Variants in NEBL observed in about 807,000 individuals in gnomAD.
The protein encoded by NEBL is nebulette.
In NEBL, 122 loss-of-function variants were observed where a neutral mutation model predicts 140.2. That is an observed-to-expected ratio of 0.87 (90% confidence interval 0.75 to 1.01). NEBL has a LOEUF of 1.01. Ranked by LOEUF, NEBL falls within the 50% of genes least tolerant of loss-of-function variation. The probability of loss-of-function intolerance (pLI) is 0.00; values close to 1 mark genes in which losing one functional copy is unlikely to be tolerated. For synonymous variants in NEBL, 436 were observed against 398.9 expected, an observed-to-expected ratio of 1.09 and a Z score of -1.11; for missense variants, 1,365 against 1,231.3, an observed-to-expected ratio of 1.11 and a Z score of -1.62.
At position 20,996,400 on chromosome 10, in the gene NEBL, G is replaced by A. The variant is rs77207008; in HGVS notation, c.249+23717C>T. 2.0e-5 allele frequency among the ~76,000 whole-genome samples: 3 copies of A among 152,170 alleles called. No individual in the cohort carries two copies. The East Asian group carries it at 5.8e-4, about 29-fold the overall frequency. ...TTATAGACAGCGAAGTGAAAATGCA[G>A]AGTATCCTGAAGACAGTGATTGTGG... On this transcript the variant is annotated intron_variant, in intron 3 of 6. Coordinates refer to the NEBL transcript ENST00000417816.
chr10:21,174,672 G>C (rs1031170903), upstream of NEBL: 4 of 152,216 alleles, frequency 2.6e-5, no homozygotes, highest in Non-Finnish European at 5.9e-5. Context: ...GGAGATCCGC[G>C]GGGAACCCGG....
chr10:20,938,182 C>G (rs1316432168), intron 4 of NEBL, among the ~76,000 whole-genome samples: 2 of 152,230 alleles, frequency 1.3e-5, no homozygotes, highest in Admixed American at 6.5e-5. Flanking sequence ...AGCTGGGAGG[C>G]ACCCCCCAGT....
intron 3 of NEBL, among the ~76,000 whole-genome samples, chr10:21,233,583 T>C (rs1842294487): frequency 6.8e-6 from 1 of 146,688 alleles, no homozygotes; most frequent in Admixed American, 6.9e-5. Context: ...TATATACACA[T>C]GTACATATTT....
At chr10:21,287,216 G>A (rs900331137) in intron 1 of NEBL, among the ~76,000 whole-genome samples, 10 of 152,174 alleles carry the variant, frequency 6.6e-5, no homozygotes, top group African/African-American at 2.2e-4. Context: ...CATAAAAGAA[G>A]TGGAAGCTAA....
chr10:21,179,705 G>C (rs1841357607), upstream of NEBL, among the ~76,000 whole-genome samples: 1 of 149,298 alleles, frequency 6.7e-6, no homozygotes, highest in Non-Finnish European at 1.5e-5. Context: ...GAAAATCAGA[G>C]TCAGGGAAAG....
chr10:21,222,270 G>C (rs1249281246), intron 3 of NEBL, among the ~76,000 whole-genome samples: 6 of 149,116 alleles, frequency 4.0e-5, no homozygotes. Flanking sequence ...AACACAGTGA[G>C]ACCCTGTCTC....
chr10:21,105,781 G>C (rs181880125), intron 2 of NEBL, among the ~76,000 whole-genome samples: 18 of 152,236 alleles, frequency 1.2e-4, no homozygotes, highest in Admixed American at 7.2e-4. Flanking sequence ...CACAATGGTT[G>C]AACTAATTTA....
chr10:21,227,834 CT>C (rs1564546104), intron 3 of NEBL, among the ~76,000 whole-genome samples: 1 of 147,986 alleles, frequency 6.8e-6, no homozygotes, highest in Non-Finnish European at 1.5e-5. Context: ...CTTCTTTCTT[CT>C]TCTTCTTTCT....
At chr10:20,789,141 T>C (rs958089853) in intron 26 of NEBL, among the ~76,000 whole-genome samples, 3 of 152,302 alleles carry the variant, frequency 2.0e-5, no homozygotes, top group East Asian at 1.9e-4. Flanking sequence ...CTACTCACGG[T>C]ATTTCCAATT....
intron 24 of NEBL, among the ~76,000 whole-genome samples, chr10:20,812,136 A>G (rs931566156): frequency 1.3e-5 from 2 of 152,166 alleles, no homozygotes; most frequent in Non-Finnish European, 2.9e-5. Flanking sequence ...TGTTTTTGAT[A>G]AAAGGACCTA....
At chr10:20,942,334 G>A (rs1450379676) in intron 4 of NEBL, among the ~76,000 whole-genome samples, 1 of 152,128 alleles carries the variant, frequency 6.6e-6, no homozygotes, top group Non-Finnish European at 1.5e-5. Flanking sequence ...AACAAGAAAT[G>A]GGGAAACGAT....
At chr10:20,909,808 A>T (rs1848253773) in intron 4 of NEBL, among the ~76,000 whole-genome samples, 1 of 152,162 alleles carries the variant, frequency 6.6e-6, no homozygotes, top group Non-Finnish European at 1.5e-5. Context: ...GTCAGAGGAA[A>T]CAATTTATAC....
At chr10:21,283,804 G>C (rs1037183985) in intron 1 of NEBL, among the ~76,000 whole-genome samples, 1 of 152,042 alleles carries the variant, frequency 6.6e-6, no homozygotes, top group East Asian at 1.9e-4. Context: ...ACAGATAAGG[G>C]ACCTGAGCTG....
At chr10:21,172,795 G>A (rs1214965457) in intron 1 of NEBL, among the ~76,000 whole-genome samples, 1 of 152,112 alleles carries the variant, frequency 6.6e-6, no homozygotes, top group Admixed American at 6.5e-5. Context: ...AAGAAACGGG[G>A]CCCAGAGAGT....
At chr10:21,231,433 G>A (rs749702681) in intron 3 of NEBL, among the ~76,000 whole-genome samples, 8 of 152,200 alleles carry the variant, frequency 5.3e-5, no homozygotes, top group South Asian at 4.1e-4. Context: ...CCAGCTACTC[G>A]GAAGGCTGAG....
At chr10:21,032,658 T>A (rs566704016) in intron 2 of NEBL, among the ~76,000 whole-genome samples, 331 of 152,012 alleles carry the variant, frequency 2.2e-3, no homozygotes, top group Middle Eastern at 3.4e-3. Flanking sequence ...TGCTGATAGA[T>A]AACATAAAAG....
intron 2 of NEBL, among the ~76,000 whole-genome samples, chr10:21,100,777 T>C (rs1837442904): frequency 6.6e-6 from 1 of 152,182 alleles, no homozygotes; most frequent in Non-Finnish European, 1.5e-5. Context: ...CATGACTCCG[T>C]TTCTTCCCTG....
At chr10:21,291,230 G>T (rs1308814799) in intron 1 of NEBL, among the ~76,000 whole-genome samples, 5 of 152,126 alleles carry the variant, frequency 3.3e-5, no homozygotes, top group Non-Finnish European at 7.4e-5. Context: ...GAGAGGCCAG[G>T]CGCAGTGGCT....
At chr10:21,255,485 G>T (rs569090045) in intron 1 of NEBL, among the ~76,000 whole-genome samples, 1 of 152,170 alleles carries the variant, frequency 6.6e-6, no homozygotes, top group African/African-American at 2.4e-5. Context: ...CAACTACTTA[G>T]ATTTAAATTT....
Sources: gnomAD v4.1 joint callset for allele counts (sites outside exome capture counted in the v4.1 genomes callset) on GRCh38, gnomAD v4.1.1 for gene constraint, MANE v1.5 for transcripts, NCBI Gene and HGNC (gene_info 2026-07-23, HGNC 2026-07-21) for gene names.